The following PREX2 variants were observed in gnomAD, a reference collection of about 807,000 sequenced individuals.
PREX2 encodes phosphatidylinositol-3,4,5-trisphosphate dependent Rac exchange factor 2.
In PREX2, 107 loss-of-function variants were observed where a neutral mutation model predicts 203.2. The ratio of observed to expected loss-of-function variants is 0.53; its 90% CI spans 0.45 to 0.62. PREX2 has a LOEUF of 0.62. PREX2 is among the 20% of genes least tolerant of loss of function. The pLI is 0.00. For missense variants in PREX2, 1,777 were observed against 1,955.9 expected, an observed-to-expected ratio of 0.91 and a Z score of 1.72; for synonymous variants, 672 against 663.6, an observed-to-expected ratio of 1.01 and a Z score of -0.19.
At position 68,099,848 on chromosome 8, in the gene PREX2, G is replaced by A. The variant is rs780926390; in HGVS notation, c.2715+5G>A. The A allele has an allele frequency of 8.1e-6, 13 of 1,595,512 alleles. No homozygotes were observed. The Admixed American group carries it at 2.2e-4, about 27-fold the overall frequency. On this transcript the variant is annotated splice_donor_5th_base_variant and intron_variant, in intron 23 of 39. Coordinates refer to ENST00000288368, the MANE Select transcript of PREX2 (RefSeq NM_024870.4). ...AGAATATCCAGTTATAAAAAGGTAA[G>A]TGTTCTATTGATTTTATACACAATT...
chr8:68,135,419 G>A (rs979289792), intron 32 of PREX2, among the ~76,000 whole-genome samples: 1 of 152,040 alleles, frequency 6.6e-6, no homozygotes, highest in Non-Finnish European at 1.5e-5. Context: ...AGTAGACAAA[G>A]GATTTGAATA....
chr8:68,063,469 C>CT (rs1808921468), intron 11 of PREX2, among the ~76,000 whole-genome samples: 1 of 152,142 alleles, frequency 6.6e-6, no homozygotes, highest in African/African-American at 2.4e-5. Flanking sequence ...GGCTGAGCCT[C>CT]TGTCAGACCC....
In PREX2 at chr8:68,001,356, C is replaced by A. The variant is rs543811331; in HGVS notation, c.142-16490C>A. ...CATGTGAAAAAAAGCTCAACATCAC[C>A]AATCATTACAGAAATGCAAATCAAA... On this transcript the variant is annotated intron_variant, in intron 1 of 39. Coordinates refer to ENST00000288368, the MANE Select transcript of PREX2 (RefSeq NM_024870.4). Among the ~76,000 whole-genome samples the A allele has an allele frequency of 5.1e-3, 771 of 152,220 alleles. 7 individuals are homozygous for A. The highest frequency in any genetic ancestry group is 0.018 in the African/African-American group (745 of 41,560).
intron 21 of PREX2, among the ~76,000 whole-genome samples, chr8:68,095,604 T>G (rs1810043834): frequency 6.6e-6 from 1 of 150,694 alleles, no homozygotes; most frequent in Non-Finnish European, 1.5e-5. Flanking sequence ...TATATATATA[T>G]CTTTCTTTCT....
intron 1 of PREX2, among the ~76,000 whole-genome samples, chr8:67,986,788 T>C (rs1806440809): frequency 6.6e-6 from 1 of 152,142 alleles, no homozygotes; most frequent in African/African-American, 2.4e-5. Flanking sequence ...AGGACTCTTT[T>C]TGGCTCTTGT....
chr8:68,161,003 C>T (rs994136740), intron 35 of PREX2, among the ~76,000 whole-genome samples: 4 of 152,056 alleles, frequency 2.6e-5, no homozygotes, highest in Non-Finnish European at 5.9e-5. Context: ...TAAACAAATC[C>T]ATCCAATCTT....
intron 7 of PREX2, 46 bp downstream of exon 7, chr8:68,038,338 A>G (rs781025368): frequency 3.1e-6 from 5 of 1,598,666 alleles, no homozygotes; most frequent in African/African-American, 1.3e-5. Context: ...CACAGTTTCT[A>G]CCTTTCCCTC....
At chr8:68,020,035 C>T (rs930927821) in intron 3 of PREX2, among the ~76,000 whole-genome samples, 2 of 152,100 alleles carry the variant, frequency 1.3e-5, no homozygotes, top group Non-Finnish European at 2.9e-5. Context: ...TATAATGGCA[C>T]GATGAGCCTT....
At position 68,146,318 on chromosome 8, in the gene PREX2, A is replaced by C. The variant is rs758350150; in HGVS notation, c.4197A>C (p.Gly1399=). 1.2e-5 allele frequency: 19 copies of C among 1,612,970 alleles called. No homozygotes were observed. In the South Asian group the frequency reaches 2.1e-4, roughly 18 times the overall value. ...TTCCTCAACGGCTGAAAAATGGAGGAGGGTTTAAAATTCATCCTGTTCTTT... is the reference window on the plus strand; with the variant it reads ...TTCCTCAACGGCTGAAAAATGGAGGCGGGTTTAAAATTCATCCTGTTCTTT... ...EQLPQRLKNG[G]GFKIHPVLFA... The change falls in exon 34 of 40, where the codon GGA becomes GGC. Residue 1399 remains glycine (G), a synonymous_variant. Coordinates refer to ENST00000288368, the MANE Select transcript of PREX2 (RefSeq NM_024870.4).
At position 68,030,534 on chromosome 8, in the gene PREX2, A is replaced by G; in HGVS notation, c.581A>G (p.Tyr194Cys). 1 of 1,613,598 alleles carries G rather than the reference A, an allele frequency of 6.2e-7. No homozygotes were observed. Among genetic ancestry groups the G allele is most frequent in the African/African-American group, 1.3e-5 (1 of 75,018 alleles). The change falls in exon 6 of 40, where the codon TAT becomes TGT. Residue 194 changes from tyrosine (Y) to cysteine (C), a missense_variant. Tyr to Cys is a radical substitution (Grantham distance 194, BLOSUM62 -2). Transcript: ENST00000288368. ...CGGACTCCACGGAAACACAGTGACT[A>G]TGCAGCAGTGATGGAAGCCCTCCAA... ...LKRTPRKHSD[Y>C]AAVMEALQAM...
chr8:67,971,570 T>C (rs1805929855), intron 1 of PREX2, among the ~76,000 whole-genome samples: 2 of 152,092 alleles, frequency 1.3e-5, no homozygotes, highest in Non-Finnish European at 2.9e-5. Context: ...AATATCATAA[T>C]AGAATGAATG....
At chr8:68,025,080 C>T (rs1415049153) in intron 4 of PREX2, among the ~76,000 whole-genome samples, 1 of 151,850 alleles carries the variant, frequency 6.6e-6, no homozygotes, top group Non-Finnish European at 1.5e-5. Flanking sequence ...ACACATTTAC[C>T]ATCTCTGGTG....
intron 34 of PREX2, among the ~76,000 whole-genome samples, chr8:68,147,800 T>G (rs1384799872): frequency 1.3e-5 from 2 of 152,176 alleles, no homozygotes; most frequent in Non-Finnish European, 2.9e-5. Context: ...TAGGAGTTAC[T>G]AGAAGGTATT....
At chr8:68,036,774 C>A (rs983821845) in intron 6 of PREX2, among the ~76,000 whole-genome samples, 1 of 151,936 alleles carries the variant, frequency 6.6e-6, no homozygotes, top group Admixed American at 6.6e-5. Context: ...GGAGAAACCC[C>A]GTCTCTTCTA....
chr8:68,108,386 A>G, intron 24 of PREX2, 55 bp downstream of exon 24: 1 of 1,267,534 alleles, frequency 7.9e-7, no homozygotes, highest in Non-Finnish European at 1.1e-6. Flanking sequence ...AGGCAATCAT[A>G]GCTATTCATG....
intron 24 of PREX2, among the ~76,000 whole-genome samples, chr8:68,108,744 C>T (rs373968715): frequency 6.6e-6 from 1 of 152,234 alleles, no homozygotes; most frequent in Non-Finnish European, 1.5e-5. Context: ...CAGCTCCCCA[C>T]GGGCTCTAAT....
At chr8:67,989,299 A>T (rs1806529320) in intron 1 of PREX2, among the ~76,000 whole-genome samples, 1 of 152,198 alleles carries the variant, frequency 6.6e-6, no homozygotes, top group Non-Finnish European at 1.5e-5. Flanking sequence ...CGAATTAAAT[A>T]GTTCTTTTTT....
intron 28 of PREX2, among the ~76,000 whole-genome samples, chr8:68,119,920 T>C (rs947844746): frequency 6.0e-4 from 92 of 152,168 alleles, no homozygotes; most frequent in Non-Finnish European, 5.9e-5. Flanking sequence ...CCAAAATTTG[T>C]AGTAGAAGAT....
At chr8:68,008,379 C>A (rs1440080379) in intron 1 of PREX2, among the ~76,000 whole-genome samples, 1 of 151,986 alleles carries the variant, frequency 6.6e-6, no homozygotes, top group Non-Finnish European at 1.5e-5. Flanking sequence ...AAACAAATTG[C>A]AGACTAAGGA....
Sources: gnomAD v4.1 joint callset for allele counts (sites outside exome capture counted in the v4.1 genomes callset) on GRCh38, gnomAD v4.1.1 for gene constraint, MANE v1.5 for transcripts, NCBI Gene and HGNC (gene_info 2026-07-23, HGNC 2026-07-21) for gene names.